The following SYNE1 variants were observed in gnomAD, a reference collection of about 807,000 sequenced individuals.
SYNE1 encodes the protein spectrin repeat containing nuclear envelope protein 1.
Under a neutral mutation model 1,111.0 loss-of-function variants are expected in SYNE1, and 616 were observed. The observed-to-expected ratio is 0.55, with a 90% CI of 0.52 to 0.59. The LOEUF (loss-of-function observed/expected upper bound fraction) is 0.59. Among genes scored for constraint, SYNE1 ranks in the 20% least tolerant of loss-of-function variants. The probability of loss-of-function intolerance (pLI) is 0.00; values close to 1 mark genes in which losing one functional copy is unlikely to be tolerated. For synonymous variants in SYNE1, 3,855 were observed against 3,825.8 expected (o/e 1.01, Z -0.28); for missense variants, 10,006 against 10,417.0 (o/e 0.96, Z 1.72).
rs1281754747 is a variant in SYNE1 at position 152,247,620 on chromosome 6, TTTGGGAGGCTGAG to T, written c.19572+1528_19572+1540del. Among the ~76,000 whole-genome samples the T allele has an allele frequency of 3.3e-5, 5 of 150,846 alleles. 1 individual carries two copies. In the South Asian group the frequency reaches 1.0e-3, roughly 32 times the overall value. On this transcript the variant is annotated intron_variant, in intron 105 of 145. Coordinates refer to ENST00000367255, the MANE Select transcript of SYNE1 (RefSeq NM_182961.4). Reference sequence around the variant, plus strand: ...TGGCTCACACCGGTAATCCCAACACTTTGGGAGGCTGAGATGGGAGAACTGCTTGAGCCCAGGA... The same window carrying T: ...TGGCTCACACCGGTAATCCCAACACTATGGGAGAACTGCTTGAGCCCAGGA...
chr6:152,457,781 C>T (rs2098705269), intron 22 of SYNE1, among the ~76,000 whole-genome samples: 1 of 151,690 alleles, frequency 6.6e-6, no homozygotes. Flanking sequence ...GAAAAGAAGG[C>T]ACGTATGCCT....
At chr6:152,472,434 A>C in intron 14 of SYNE1, 21 bp from the exon 15 acceptor site, 1 of 1,602,940 alleles carries the variant, frequency 6.2e-7, no homozygotes, top group Non-Finnish European at 8.5e-7. Context: ...GTTTAAAAAA[A>C]AATAAAAAAT....
At chr6:152,136,540 A>G (rs2057120213) in intron 141 of SYNE1, 78 bp downstream of exon 141, 1 of 1,570,148 alleles carries the variant, frequency 6.4e-7, no homozygotes, top group Non-Finnish European at 8.7e-7. Context: ...TCTAGAAACC[A>G]TGATACATCA....
At chr6:152,165,868 G>A (rs2635472) in intron 130 of SYNE1, among the ~76,000 whole-genome samples, 38,198 of 152,132 alleles carry the variant, frequency 0.25, 5,050 homozygotes, top group Middle Eastern at 0.3. Flanking sequence ...CTCATGGAGT[G>A]CATTTGATCG....
intron 32 of SYNE1, among the ~76,000 whole-genome samples, chr6:152,439,847 C>A (rs1230189082): frequency 6.6e-6 from 1 of 152,172 alleles, no homozygotes; most frequent in Non-Finnish European, 1.5e-5. Context: ...ATGCTTGGTA[C>A]AAATTGGTTG....
At chr6:152,383,052 G>A (rs1489245063) in intron 55 of SYNE1, among the ~76,000 whole-genome samples, 1 of 152,094 alleles carries the variant, frequency 6.6e-6, no homozygotes, top group Non-Finnish European at 1.5e-5. Context: ...GGTGTTGAAG[G>A]ACAGAGGAGG....
Position 152,318,077 on chromosome 6 carries a change from A to G in SYNE1, c.16572+4T>C. ...GATTTGGATTTCTGGCCCGGAACAC[A>G]TACCTGATTGAGCTTGGAGAGCCGA... On this transcript the variant is annotated splice_donor_region_variant and intron_variant, in intron 86 of 145. Transcript: ENST00000367255. The G allele has an allele frequency of 1.2e-6, 2 of 1,614,210 alleles. No homozygotes were observed. The highest frequency in any genetic ancestry group is 2.2e-5 in the South Asian group (2 of 91,084).
intron 73 of SYNE1, among the ~76,000 whole-genome samples, chr6:152,346,619 G>T (rs7356958): frequency 0.018 from 2,747 of 151,608 alleles, 91 homozygotes; most frequent in African/African-American, 0.063. Flanking sequence ...AACCATCCTG[G>T]CTAACACGGT....
chr6:152,140,090 G>A lies in SYNE1; in HGVS notation c.25318C>T (p.Gln8440Ter). ...SKELRMKQNL[Q>*]KWQQFNSDLN... ...TCTGAGTTAAACTGCTGCCACTTCT[G>A]GAGGTTCTGCTTCATCCTCAACTCC... Residue 8440 changes from glutamine to a stop codon, truncating the protein, a stop_gained, in exon 140 of 146, where the codon CAG becomes TAG. Coordinates refer to ENST00000367255, the MANE Select transcript of SYNE1 (RefSeq NM_182961.4). LOFTEE classifies it high-confidence loss of function. 1 of 1,614,186 alleles carries A rather than the reference G, an allele frequency of 6.2e-7. No individual in the cohort carries two copies. The highest frequency in any genetic ancestry group is 8.5e-7 in the Non-Finnish European group (1 of 1,180,038).
At chr6:152,318,033 G>A in intron 86 of SYNE1, 48 bp downstream of exon 86, 1 of 1,601,396 alleles carries the variant, frequency 6.2e-7, no homozygotes, top group East Asian at 2.2e-5. Flanking sequence ...AGCAGAACAT[G>A]GAAGTTTCTG....
Position 152,433,781 on chromosome 6 carries a change from T to A in SYNE1, c.4461+14A>T, listed in dbSNP as rs554281097. ...CTAGACATGGATTATAAATATAATG[T>A]GTGAGCAGGTCACCTTAATTTGGCT... is the stretch of plus-strand genomic sequence containing the variant. On this transcript the variant is annotated intron_variant, in intron 34 of 145. Transcript: ENST00000367255. 1.1e-5 allele frequency: 17 copies of A among 1,613,580 alleles called. No individual in the cohort carries two copies. In the Admixed American group the frequency reaches 2.0e-4, roughly 19 times the overall value.
intron 127 of SYNE1, among the ~76,000 whole-genome samples, chr6:152,193,893 G>C (rs992763898): frequency 6.6e-6 from 1 of 151,462 alleles, no homozygotes; most frequent in South Asian, 2.1e-4. Context: ...GGTGCCTGTA[G>C]TCCCAGCTAC....
chr6:152,517,620 C>T (rs1037167363), intron 6 of SYNE1, among the ~76,000 whole-genome samples: 2 of 152,080 alleles, frequency 1.3e-5, no homozygotes, highest in African/African-American at 4.8e-5. Flanking sequence ...TAAACTATGG[C>T]ATATCTAGGC....
At chr6:152,584,732 C>T (rs1332554851) in intron 3 of SYNE1, among the ~76,000 whole-genome samples, 1 of 152,062 alleles carries the variant, frequency 6.6e-6, no homozygotes, top group Non-Finnish European at 1.5e-5. Flanking sequence ...TTTAATATAG[C>T]AAGTTAACGT....
chr6:152,180,726 G>C (rs1268940948), intron 128 of SYNE1, among the ~76,000 whole-genome samples: 1 of 151,904 alleles, frequency 6.6e-6, no homozygotes, highest in South Asian at 2.1e-4. Flanking sequence ...AAATAGGGAA[G>C]GAAGAAGAAA....
At chr6:152,471,394 G>A (rs1258671624) in intron 16 of SYNE1, among the ~76,000 whole-genome samples, 1 of 151,956 alleles carries the variant, frequency 6.6e-6, no homozygotes, top group African/African-American at 2.4e-5. Context: ...CTGAACTAGG[G>A]GATTTTAAAT....
At chr6:152,336,596 T>G (rs1484307588) in intron 76 of SYNE1, 2 of 552,992 alleles carry the variant, frequency 3.6e-6, no homozygotes. Context: ...GCCTCTGATC[T>G]GACAGGAGGT....
At chr6:152,590,125 T>C (rs2099554645) in intron 3 of SYNE1, among the ~76,000 whole-genome samples, 1 of 150,634 alleles carries the variant, frequency 6.6e-6, no homozygotes, top group South Asian at 2.1e-4. Context: ...ATTATTATTA[T>C]TTTGTAGAGA....
At chr6:152,161,558 T>C (rs944847085) in intron 131 of SYNE1, among the ~76,000 whole-genome samples, 2 of 152,126 alleles carry the variant, frequency 1.3e-5, no homozygotes, top group African/African-American at 4.8e-5. Context: ...TTTGTTTGTT[T>C]TGTTTTGTTT....
Sources: allele counts gnomAD v4.1 joint callset (sites outside exome capture counted in the v4.1 genomes callset), GRCh38; gene constraint gnomAD v4.1.1; transcripts MANE v1.5; gene names NCBI Gene and HGNC (gene_info 2026-07-23, HGNC 2026-07-21).